The following TSPAN14 variants were observed in gnomAD, a reference collection of about 807,000 sequenced individuals.
TSPAN14 encodes the protein tetraspanin 14, also known as tetraspanin-14.
In TSPAN14, 16 loss-of-function variants were observed where a neutral mutation model predicts 36.6. That is an observed-to-expected ratio of 0.44 (90% confidence interval 0.30 to 0.66). The LOEUF (loss-of-function observed/expected upper bound fraction) is 0.66, where lower values mean the gene tolerates loss of function less well. Ranked by LOEUF, TSPAN14 falls within the 30% of genes least tolerant of loss-of-function variation. The pLI is 0.12. For missense variants in TSPAN14, 231 were observed against 355.1 expected (o/e 0.65, Z 2.81); for synonymous variants, 139 against 143.8 (o/e 0.97, Z 0.24).
At chr10:80,498,556 A>G (rs950918998) in intron 2 of TSPAN14, among the ~76,000 whole-genome samples, 4 of 152,202 alleles carry the variant, frequency 2.6e-5, no homozygotes, top group African/African-American at 9.7e-5. Context: ...TGCCTCTGGA[A>G]AGCACTTGGT....
chr10:80,462,591 G>A (rs1846038117), intron 1 of TSPAN14, among the ~76,000 whole-genome samples: 1 of 152,142 alleles, frequency 6.6e-6, no homozygotes, highest in Non-Finnish European at 1.5e-5. Flanking sequence ...TGAGTGCAGA[G>A]TATTTATTGA....
At chr10:80,489,238 A>G (rs1847792533) in exon 2 of TSPAN14, 2 of 1,580,360 alleles carry the variant, frequency 1.3e-6, no homozygotes. Flanking sequence ...CAGAAGATGC[A>G]CTATTATAGA....
At chr10:80,492,644 G>A (rs571030057) in intron 2 of TSPAN14, among the ~76,000 whole-genome samples, 6 of 152,042 alleles carry the variant, frequency 3.9e-5, no homozygotes, top group South Asian at 2.1e-4. Context: ...GTGAAACTCC[G>A]TCTCTACTAA....
At chr10:80,473,469 C>G (rs10788639) in intron 1 of TSPAN14, among the ~76,000 whole-genome samples, 99,323 of 152,040 alleles carry the variant, frequency 0.65, 33,666 homozygotes, top group East Asian at 0.9. Context: ...CTCTCCTGCA[C>G]CTGCATGTGG....
At chr10:80,468,341 T>C (rs752875842) in intron 1 of TSPAN14, among the ~76,000 whole-genome samples, 28 of 152,208 alleles carry the variant, frequency 1.8e-4, no homozygotes, top group Non-Finnish European at 3.5e-4. Context: ...CTCTATCATT[T>C]GGTTAGAGTA....
chr10:80,492,446 A>C (rs1328670579), intron 2 of TSPAN14, among the ~76,000 whole-genome samples: 1 of 152,170 alleles, frequency 6.6e-6, no homozygotes, highest in Non-Finnish European at 1.5e-5. Context: ...TGCAGAAGGC[A>C]ACTTGTTGCT....
intron 1 of TSPAN14, among the ~76,000 whole-genome samples, chr10:80,454,906 C>T (rs983888439): frequency 1.3e-5 from 2 of 152,210 alleles, no homozygotes; most frequent in African/African-American, 4.8e-5. Context: ...CGTGGTTGTG[C>T]TCAGTCTCCC....
intron 8 of TSPAN14, among the ~76,000 whole-genome samples, chr10:80,517,069 C>G (rs1293351862): frequency 6.6e-6 from 1 of 152,204 alleles, no homozygotes; most frequent in East Asian, 1.9e-4. Context: ...GAAGCCGCAG[C>G]TTCTGGGTCC....
At chr10:80,460,224 A>C (rs1845905329) in intron 1 of TSPAN14, among the ~76,000 whole-genome samples, 1 of 152,100 alleles carries the variant, frequency 6.6e-6, no homozygotes, top group Non-Finnish European at 1.5e-5. Context: ...GAAAATTTCT[A>C]AGAGGGTAGG....
At chr10:80,518,788 C>T (rs1294105321) in exon 9 of TSPAN14, 1 of 152,840 alleles carries the variant, frequency 6.5e-6, no homozygotes. Context: ...AGAATGTTCT[C>T]ACACCATTTC....
At chr10:80,488,005 G>GTT (rs1847710638) in intron 1 of TSPAN14, among the ~76,000 whole-genome samples, 4 of 152,212 alleles carry the variant, frequency 2.6e-5, no homozygotes. Context: ...ACAGGAAGGG[G>GTT]TTTTGCAAGT....
chr10:80,461,320 C>T (rs1228298270), intron 1 of TSPAN14, among the ~76,000 whole-genome samples: 1 of 152,184 alleles, frequency 6.6e-6, no homozygotes, highest in Non-Finnish European at 1.5e-5. Context: ...TGGGGCCTTC[C>T]CTCCTTCCTA....
Position 80,455,145 on chromosome 10 carries a change from A to G in TSPAN14, c.-18+774A>G, listed in dbSNP as rs572433987. ...CCCCAGGGGTGGGGTGCGGGTGGGT[A>G]GGAAGTGCCTGTGTGAGGGTGTGTG... On this transcript the variant is annotated intron_variant, in intron 1 of 8. Coordinates refer to ENST00000429989, the Ensembl canonical transcript of TSPAN14. 1.4e-4 allele frequency among the ~76,000 whole-genome samples: 21 copies of G among 152,216 alleles called. No individual in the cohort carries two copies. In the South Asian group the frequency reaches 4.1e-3, roughly 30 times the overall value.
intron 1 of TSPAN14, among the ~76,000 whole-genome samples, chr10:80,463,951 C>G (rs993836395): frequency 2.0e-5 from 3 of 152,254 alleles, no homozygotes; most frequent in Non-Finnish European, 4.4e-5. Flanking sequence ...AGCCTGTCTC[C>G]GTGACCTCCA....
At chr10:80,498,024 C>G (rs1358853872) in intron 2 of TSPAN14, among the ~76,000 whole-genome samples, 3 of 152,234 alleles carry the variant, frequency 2.0e-5, no homozygotes, top group Non-Finnish European at 1.5e-5. Flanking sequence ...CGAACTCCCA[C>G]TGACAAGTGG....
chr10:80,472,373 G>T (rs909005700), intron 1 of TSPAN14, among the ~76,000 whole-genome samples: 32 of 152,188 alleles, frequency 2.1e-4, no homozygotes, highest in Non-Finnish European at 1.5e-5. Context: ...ATCCCCTTGG[G>T]AGGCACATGA....
exon 9 of TSPAN14, chr10:80,519,546 TAGG>T (rs976320732): frequency 4.0e-5 from 6 of 151,122 alleles, no homozygotes; most frequent in African/African-American, 9.8e-5. Flanking sequence ...CTCTGTAGAC[TAGG>T]AGAAGAATGC....
At chr10:80,485,682 G>A in intron 1 of TSPAN14, 2 of 985,456 alleles carry the variant, frequency 2.0e-6, no homozygotes, top group Non-Finnish European at 2.4e-6. Context: ...GGCCAACACA[G>A]CAGAGAGGGA....
chr10:80,482,574 C>T (rs1313807679), intron 1 of TSPAN14, among the ~76,000 whole-genome samples: 1 of 150,990 alleles, frequency 6.6e-6, no homozygotes, highest in African/African-American at 2.5e-5. Context: ...AGGCATGAAC[C>T]ACTGTGCCCG....
Sources: gnomAD v4.1 joint callset for allele counts (sites outside exome capture counted in the v4.1 genomes callset) on GRCh38, gnomAD v4.1.1 for gene constraint, MANE v1.5 for transcripts, NCBI Gene and HGNC (gene_info 2026-07-23, HGNC 2026-07-21) for gene names.